CHRM3: variants seen among roughly 807,000 people sequenced by gnomAD.
The protein encoded by CHRM3 is cholinergic receptor muscarinic 3, also known as muscarinic acetylcholine receptor M3.
CHRM3 carries 11 observed loss-of-function variants against 41.8 expected under a neutral mutation model. The observed-to-expected ratio is 0.26, with a 90% CI of 0.17 to 0.44. The LOEUF is 0.44. Ranked by LOEUF, CHRM3 falls within the 20% of genes least tolerant of loss-of-function variation. The pLI, the probability that CHRM3 is intolerant of heterozygous loss-of-function variation, is 1.00. For synonymous variants in CHRM3, 297 were observed against 301.4 expected (o/e 0.99, Z 0.15); for missense variants, 571 against 745.4 (o/e 0.77, Z 2.72).
chr1:239,406,922 G>A (rs539182427), intron 1 of CHRM3, among the ~76,000 whole-genome samples: 3 of 152,262 alleles, frequency 2.0e-5, no homozygotes, highest in South Asian at 4.1e-4. Flanking sequence ...GAATCAGAGG[G>A]TGAAGAAGCC....
At chr1:239,484,383 A>G (rs2148020474) in intron 1 of CHRM3, among the ~76,000 whole-genome samples, 1 of 152,284 alleles carries the variant, frequency 6.6e-6, no homozygotes, top group East Asian at 1.9e-4. Context: ...GGACGGTGAT[A>G]AGCCATTCAT....
intron 1 of CHRM3, among the ~76,000 whole-genome samples, chr1:239,413,151 C>T (rs946930124): frequency 1.3e-5 from 2 of 152,094 alleles, no homozygotes; most frequent in African/African-American, 4.8e-5. Context: ...AGGATGCTCC[C>T]TTTAAGTCTA....
At chr1:239,464,212 A>G (rs1665561853) in intron 1 of CHRM3, among the ~76,000 whole-genome samples, 1 of 151,442 alleles carries the variant, frequency 6.6e-6, no homozygotes, top group Admixed American at 6.6e-5. Flanking sequence ...CCCAGGAAGC[A>G]GCAGTTGCAG....
At chr1:239,778,120 A>G (rs970379583) in intron 5 of CHRM3, among the ~76,000 whole-genome samples, 60 of 152,266 alleles carry the variant, frequency 3.9e-4, no homozygotes, top group Admixed American at 2.0e-3. Context: ...AATTTTTTTA[A>G]AAAGAAAAGA....
At chr1:239,539,737 C>A (rs1658571001) in intron 2 of CHRM3, among the ~76,000 whole-genome samples, 1 of 152,102 alleles carries the variant, frequency 6.6e-6, no homozygotes, top group African/African-American at 2.4e-5. Flanking sequence ...CTCAGGTGAT[C>A]CTCCTACCTC....
chr1:239,426,535 C>T (rs1005096370), intron 1 of CHRM3, among the ~76,000 whole-genome samples: 1 of 150,254 alleles, frequency 6.7e-6, no homozygotes, highest in Non-Finnish European at 1.5e-5. Flanking sequence ...TGAGTGGGTT[C>T]AATGTATTCT....
At chr1:239,842,438 A>G (rs1220805347) in intron 6 of CHRM3, among the ~76,000 whole-genome samples, 1 of 151,946 alleles carries the variant, frequency 6.6e-6, no homozygotes, top group Non-Finnish European at 1.5e-5. Context: ...TTTCACCATG[A>G]TGGCCAGGTT....
chr1:239,647,307 C>G (rs1402559928), intron 4 of CHRM3, among the ~76,000 whole-genome samples: 2 of 152,228 alleles, frequency 1.3e-5, no homozygotes, highest in Middle Eastern at 6.8e-3. Context: ...GTTGATAAGC[C>G]CTCAAGAATC....
At chr1:239,828,774 G>T (rs1164263275) in intron 6 of CHRM3, among the ~76,000 whole-genome samples, 1 of 152,098 alleles carries the variant, frequency 6.6e-6, no homozygotes, top group Non-Finnish European at 1.5e-5. Flanking sequence ...ATATCAGAGG[G>T]ACCCTGTGCT....
intron 6 of CHRM3, among the ~76,000 whole-genome samples, chr1:239,832,815 T>C (rs1673003327): frequency 6.6e-6 from 1 of 152,182 alleles, no homozygotes; most frequent in African/African-American, 2.4e-5. Context: ...TCGATATTAT[T>C]ATCTTTAAAG....
At chr1:239,597,717 T>C (rs1664950575) in intron 3 of CHRM3, among the ~76,000 whole-genome samples, 1 of 151,906 alleles carries the variant, frequency 6.6e-6, no homozygotes, top group South Asian at 2.1e-4. Flanking sequence ...TATGCTTTAG[T>C]AATTCTTAAC....
At chr1:239,767,538 A>AAT (rs1485634338) in intron 5 of CHRM3, among the ~76,000 whole-genome samples, 4 of 152,214 alleles carry the variant, frequency 2.6e-5, no homozygotes, top group Non-Finnish European at 4.4e-5. Flanking sequence ...TAATTATACT[A>AAT]ACTTCCTAGA....
intron 6 of CHRM3, among the ~76,000 whole-genome samples, chr1:239,901,613 T>C (rs911722690): frequency 6.6e-6 from 1 of 152,186 alleles, no homozygotes; most frequent in African/African-American, 2.4e-5. Flanking sequence ...TCGTGTTGTA[T>C]TTGTCATCCC....
intron 5 of CHRM3, chr1:239,826,874 C>T (rs1672503824): frequency 6.6e-6 from 1 of 152,074 alleles, no homozygotes; most frequent in South Asian, 2.1e-4. Flanking sequence ...ACATAAGTTG[C>T]AGAGCTGGCC....
intron 2 of CHRM3, among the ~76,000 whole-genome samples, chr1:239,510,722 G>C: frequency 6.6e-6 from 1 of 151,958 alleles, no homozygotes; most frequent in East Asian, 1.9e-4. Flanking sequence ...TTTTAGTGGA[G>C]ATGTGGTTTC....
In CHRM3 at chr1:239,897,330, G is replaced by A. The variant is rs138629977; in HGVS notation, c.-19-10103G>A. ...GGACCTGGAAAAAAAAAGCGATCAC[G>A]AGTCTAACTTAATCATGAAAGCATA... is the stretch of plus-strand genomic sequence containing the variant. On this transcript the variant is annotated intron_variant, in intron 6 of 6. Coordinates refer to ENST00000676153, the MANE Select transcript of CHRM3 (RefSeq NM_001375978.1). Among the ~76,000 whole-genome samples the A allele has an allele frequency of 3.3e-5, 5 of 152,194 alleles. No individual in the cohort carries two copies. The East Asian group carries it at 7.7e-4, about 23-fold the overall frequency.
intron 5 of CHRM3, among the ~76,000 whole-genome samples, chr1:239,712,693 G>C (rs1042016502): frequency 6.6e-6 from 1 of 152,056 alleles, no homozygotes; most frequent in African/African-American, 2.4e-5. Context: ...AAATCTATTC[G>C]GTAAAGACTG....
chr1:239,734,105 T>C (rs1558496494), intron 5 of CHRM3, among the ~76,000 whole-genome samples: 1 of 152,122 alleles, frequency 6.6e-6, no homozygotes, highest in Non-Finnish European at 1.5e-5. Flanking sequence ...AAAACTTTCA[T>C]TCATAACAGG....
chr1:239,442,646 C>G (rs950801104), intron 1 of CHRM3, among the ~76,000 whole-genome samples: 3 of 152,024 alleles, frequency 2.0e-5, no homozygotes, highest in Non-Finnish European at 4.4e-5. Context: ...TTTGTTCTGA[C>G]TGGAGAAGAG....
Sources: gnomAD v4.1 joint callset for allele counts (sites outside exome capture counted in the v4.1 genomes callset) on GRCh38, gnomAD v4.1.1 for gene constraint, MANE v1.5 for transcripts, NCBI Gene and HGNC (gene_info 2026-07-23, HGNC 2026-07-21) for gene names.